PSIP1: variants seen among roughly 807,000 people sequenced by gnomAD.
PSIP1 encodes PC4 and SRSF1 interacting protein 1.
Under a neutral mutation model 74.7 loss-of-function variants are expected in PSIP1, and 19 were observed. That is an observed-to-expected ratio of 0.25 (90% CI 0.18 to 0.37). PSIP1 has a LOEUF of 0.37. PSIP1 is among the 10% of genes least tolerant of loss of function. The pLI, the probability that PSIP1 is intolerant of heterozygous loss-of-function variation, is 1.00. For missense variants in PSIP1, 601 were observed against 614.3 expected (o/e 0.98, Z 0.23); for synonymous variants, 222 against 195.3 (o/e 1.14, Z -1.14).
chr9:15,472,095 A>G (rs1050539385), intron 10 of PSIP1: 2 of 983,016 alleles, frequency 2.0e-6, no homozygotes, highest in African/African-American at 1.8e-5. Context: ...TATAAGTATC[A>G]AAATTTAAGA....
At chr9:15,506,055 A>G (rs1486674821) in intron 3 of PSIP1, 1 of 152,342 alleles carries the variant, frequency 6.6e-6, no homozygotes, top group African/African-American at 2.4e-5. Flanking sequence ...TTCAGCTGCA[A>G]TTTTTGAAAA....
At chr9:15,482,554 T>TA (rs1466164364) in intron 6 of PSIP1, among the ~76,000 whole-genome samples, 1 of 152,184 alleles carries the variant, frequency 6.6e-6, no homozygotes, top group African/African-American at 2.4e-5. Context: ...CCTTCAGTGT[T>TA]AAGAGACTGA....
At chr9:15,505,591 A>C (rs2037550208) in intron 3 of PSIP1, 1 of 152,230 alleles carries the variant, frequency 6.6e-6, no homozygotes, top group Admixed American at 6.5e-5. Context: ...TACAGACAGT[A>C]GACTAGTGGT....
At chr9:15,507,586 C>A (rs148473267) in intron 2 of PSIP1, among the ~76,000 whole-genome samples, 1,737 of 151,916 alleles carry the variant, frequency 0.011, 31 homozygotes, top group African/African-American at 0.039. Flanking sequence ...TGCAGTGAGC[C>A]GAGATCATGC....
chr9:15,502,782 TACTAAA>T (rs991796288), intron 3 of PSIP1, among the ~76,000 whole-genome samples: 2 of 152,194 alleles, frequency 1.3e-5, no homozygotes, highest in African/African-American at 4.8e-5. Flanking sequence ...CATTCCCACT[TACTAAA>T]AATCTGTCTG....
At position 15,473,979 on chromosome 9, in the gene PSIP1, A is replaced by G. The variant is rs372661772; in HGVS notation, c.858+30T>C. ...AATATATATATAAACTAAGAATAGAACAGCCATTTTATATATGTAAACTTT... is the reference window on the plus strand; with the variant it reads ...AATATATATATAAACTAAGAATAGAGCAGCCATTTTATATATGTAAACTTT... On this transcript the variant is annotated intron_variant, in intron 9 of 15. Coordinates refer to ENST00000380733, the MANE Select transcript of PSIP1 (RefSeq NM_033222.5). 3 of 1,494,686 alleles carry G rather than the reference A, an allele frequency of 2.0e-6. No homozygotes were observed. The African/African-American group carries it at 4.2e-5, about 21-fold the overall frequency. The allele number at this position is 1,494,686 out of a possible 1,614,324, so 92.6% of individuals were successfully genotyped here.
At chr9:15,479,543 G>C in intron 7 of PSIP1, 48 bp downstream of exon 7, 4 of 1,437,908 alleles carry the variant, frequency 2.8e-6, no homozygotes, top group Non-Finnish European at 3.8e-6. Context: ...AAATGGACTG[G>C]AATATTAATC....
chr9:15,466,399 A>G (rs969064226), intron 15 of PSIP1, among the ~76,000 whole-genome samples: 3 of 152,054 alleles, frequency 2.0e-5, no homozygotes, highest in African/African-American at 4.8e-5. Flanking sequence ...CAACAACAAC[A>G]AAACTGTGAT....
chr9:15,465,161 G>A lies in PSIP1; in HGVS notation c.*359C>T, dbSNP rs553445394. ...TATGCACAAAACCCACAGTATTTGG[G>A]AAAAGAGGCAAGGTTTATACAAGTA... is the stretch of plus-strand genomic sequence containing the variant. On this transcript the variant is annotated 3_prime_UTR_variant, in exon 16 of 16. Transcript: ENST00000380733. 3 of 240,548 alleles carry A rather than the reference G, an allele frequency of 1.2e-5. No individual in the cohort carries two copies. The highest frequency in any genetic ancestry group is 2.2e-5 in the African/African-American group (1 of 45,606). The allele number at this position is 240,548 out of a possible 1,614,324, so 14.9% of individuals were successfully genotyped here.
At chr9:15,468,513 T>G (rs2035722970) in intron 14 of PSIP1, 117 bp downstream of exon 14, 1 of 1,166,206 alleles carries the variant, frequency 8.6e-7, no homozygotes, top group African/African-American at 1.5e-5. Flanking sequence ...ATTTTGCCTT[T>G]GTATACTTTT....
intron 6 of PSIP1, among the ~76,000 whole-genome samples, chr9:15,484,397 G>A (rs111799298): frequency 6.6e-6 from 1 of 151,910 alleles, no homozygotes; most frequent in Non-Finnish European, 1.5e-5. Context: ...TCAGGAGTTC[G>A]AGATAAGCCT....
chr9:15,508,197 A>T (rs2037688051), intron 2 of PSIP1, among the ~76,000 whole-genome samples: 1 of 152,256 alleles, frequency 6.6e-6, no homozygotes, highest in South Asian at 2.1e-4. Flanking sequence ...AGAAATGTTA[A>T]AGCAAAAATT....
chr9:15,491,208 C>A (rs2036815662), intron 3 of PSIP1, among the ~76,000 whole-genome samples: 1 of 152,206 alleles, frequency 6.6e-6, no homozygotes, highest in Admixed American at 6.5e-5. Flanking sequence ...ATAACCTTCT[C>A]GCACTTAGCA....
chr9:15,487,581 G>A lies in PSIP1; in HGVS notation c.289-650C>T, dbSNP rs143667971. 2.6e-4 allele frequency among the ~76,000 whole-genome samples: 40 copies of A among 152,248 alleles called. 1 individual carries two copies. The highest frequency in any genetic ancestry group is 1.5e-3 in the Admixed American group (23 of 15,290). ...TGCACCACTGCACTCCAACCTGGGC[G>A]ACAGAGCAAGATGCTGTCTCCAAAA... On this transcript the variant is annotated intron_variant, in intron 4 of 15. Transcript: ENST00000380733.
intron 3 of PSIP1, chr9:15,505,928 C>T (rs1338850424): frequency 6.6e-6 from 1 of 152,180 alleles, no homozygotes; most frequent in South Asian, 2.1e-4. Flanking sequence ...CCAAAATCAA[C>T]CAGATTATAT....
Position 15,506,148 on chromosome 9 carries a change from T to C in PSIP1, c.149+413A>G, listed in dbSNP as rs73644654. On this transcript the variant is annotated intron_variant, in intron 3 of 15. Coordinates refer to ENST00000380733, the MANE Select transcript of PSIP1 (RefSeq NM_033222.5). ...GACCATATAAACACATGGAGGGAACTAGCTAGACTTCCTCTTCTCACCTTC... is the reference window on the plus strand; with the variant it reads ...GACCATATAAACACATGGAGGGAACCAGCTAGACTTCCTCTTCTCACCTTC... The C allele has an allele frequency of 7.0e-3, 1,079 of 155,032 alleles. 10 individuals are homozygous for C. The highest frequency in any genetic ancestry group is 0.025 in the African/African-American group (1,034 of 41,618). The allele number at this position is 155,032 out of a possible 1,614,324, so 9.6% of individuals were successfully genotyped here.
chr9:15,473,604 G>A (rs750459336), intron 9 of PSIP1, among the ~76,000 whole-genome samples: 2 of 152,018 alleles, frequency 1.3e-5, no homozygotes, highest in Non-Finnish European at 2.9e-5. Context: ...CTTAAACTGG[G>A]CAGATTAAGA....
chr9:15,482,020 T>G (rs2036357315), intron 6 of PSIP1, among the ~76,000 whole-genome samples: 1 of 152,174 alleles, frequency 6.6e-6, no homozygotes, highest in African/African-American at 2.4e-5. Flanking sequence ...ACAGATTTAT[T>G]TCTTCCATAT....
intron 2 of PSIP1, among the ~76,000 whole-genome samples, chr9:15,509,753 T>C (rs979842998): frequency 2.0e-5 from 3 of 152,240 alleles, no homozygotes; most frequent in African/African-American, 7.2e-5. Context: ...CATTGATATT[T>C]TGTACTTGAT....
Sources: gnomAD v4.1 joint callset for allele counts (sites outside exome capture counted in the v4.1 genomes callset) on GRCh38, gnomAD v4.1.1 for gene constraint, MANE v1.5 for transcripts, NCBI Gene and HGNC (gene_info 2026-07-23, HGNC 2026-07-21) for gene names.